MRPL42: variants seen among roughly 807,000 people sequenced by gnomAD.
The protein encoded by MRPL42 is large ribosomal subunit protein mL42.
A neutral mutation model predicts 17.9 loss-of-function variants in MRPL42; 17 were observed. That is an observed-to-expected ratio of 0.95 (90% confidence interval 0.65 to 1.42). The LOEUF is 1.42. Ranked by LOEUF, MRPL42 falls within the 40% of genes most tolerant of loss-of-function variation. MRPL42 has a pLI of 0.00. For missense variants in MRPL42, 177 were observed against 175.2 expected (o/e 1.01, Z -0.06); for synonymous variants, 59 against 54.4 (o/e 1.08, Z -0.37).
chr12:93,495,899 A>G (rs556449206), intron 5 of MRPL42, among the ~76,000 whole-genome samples: 1 of 152,318 alleles, frequency 6.6e-6, no homozygotes, highest in East Asian at 1.9e-4. Context: ...AAACTTCCAT[A>G]AAGTATGGTT....
chr12:93,470,425 AG>A, intron 2 of MRPL42: 1 of 1,226,928 alleles, frequency 8.2e-7, no homozygotes, highest in Non-Finnish European at 1.1e-6. Flanking sequence ...AGGCAACAGT[AG>A]GTTTGCCTTT....
Position 93,506,795 on chromosome 12 carries a change from T to C in MRPL42, c.*5574T>C, listed in dbSNP as rs994710583. 6 of 152,226 alleles carry C rather than the reference T, an allele frequency of 3.9e-5. No individual in the cohort carries two copies. The highest frequency in any genetic ancestry group is 1.4e-4 in the African/African-American group (6 of 41,456). The allele number at this position is 152,226 out of a possible 1,614,324, so 9.4% of individuals were successfully genotyped here. A position where few individuals can be genotyped will look rare whatever the true frequency, so the allele number is the denominator to read the frequency against. On this transcript the variant is annotated 3_prime_UTR_variant, in exon 6 of 6. Coordinates refer to ENST00000549982, the MANE Select transcript of MRPL42 (RefSeq NM_014050.4). ...ACTATTATGCCACTTACTTGAATAA[T>C]TGTCTTGATGAGTAATATATGTAGT...
In MRPL42 at chr12:93,485,354, G is replaced by A. The variant is rs1052043575; in HGVS notation, c.220-2143G>A. ...ATTTTTTGTATTTTTTGTAGAGACA[G>A]CGTCTCCAACTCCTGAGCTCAAAGT... On this transcript the variant is annotated intron_variant, in intron 4 of 5. Transcript: ENST00000549982. Among the ~76,000 whole-genome samples, 8 of 151,602 alleles carry A rather than the reference G, an allele frequency of 5.3e-5. No individual in the cohort carries two copies. In the South Asian group the frequency reaches 1.5e-3, roughly 28 times the overall value.
chr12:93,470,460 CTTTTTA>C, intron 2 of MRPL42: 1 of 1,275,726 alleles, frequency 7.8e-7, no homozygotes, highest in Non-Finnish European at 1.0e-6. Flanking sequence ...TGTGAGCCAA[CTTTTTA>C]TTTTTATTTT....
intron 5 of MRPL42, among the ~76,000 whole-genome samples, chr12:93,494,805 A>G (rs558526317): frequency 8.1e-4 from 124 of 152,334 alleles, no homozygotes; most frequent in African/African-American, 2.9e-3. Context: ...ATCTAGAGAC[A>G]AGGGAGATGA....
Position 93,477,029 on chromosome 12 carries a change from A to C in MRPL42, c.134+12A>C, listed in dbSNP as rs1880216745. 2 of 1,537,372 alleles carry C rather than the reference A, an allele frequency of 1.3e-6. No homozygotes were observed. The highest frequency in any genetic ancestry group is 1.8e-6 in the Non-Finnish European group (2 of 1,118,768). ...GATGACTATAATTGGTATGTATTAAAATTCAATTGAAGAAATAATAGTCTT... is the reference window on the plus strand; with the variant it reads ...GATGACTATAATTGGTATGTATTAACATTCAATTGAAGAAATAATAGTCTT... On this transcript the variant is annotated intron_variant, in intron 3 of 5. Transcript: ENST00000549982.
At position 93,485,037 on chromosome 12, in the gene MRPL42, T is replaced by TG. The variant is rs527979861; in HGVS notation, c.220-2454dup. The stretch of plus-strand genomic sequence containing the variant: ...ATATATATATATATATAAACAGAGA[T>TG]GGGGGGTCTTACCATGGTGCCTAGG... On this transcript the variant is annotated intron_variant, in intron 4 of 5. Coordinates refer to ENST00000549982, the MANE Select transcript of MRPL42 (RefSeq NM_014050.4). Among the ~76,000 whole-genome samples the TG allele has an allele frequency of 1.3e-4, 15 of 119,070 alleles. 1 individual carries two copies. The highest frequency in any genetic ancestry group is 4.5e-4 in the African/African-American group (15 of 33,680). The allele number at this position is 119,070 out of a possible 152,430, so 78.1% of individuals were successfully genotyped here. A position where few individuals can be genotyped will look rare whatever the true frequency, so the allele number is the denominator to read the frequency against.
At position 93,515,411 on chromosome 12, in the gene MRPL42, C is replaced by T. The variant is rs537564881; in HGVS notation, c.*14190C>T. The T allele has an allele frequency of 2.9e-4, 44 of 149,924 alleles. No homozygotes were observed. The highest frequency in any genetic ancestry group is 1.1e-3 in the African/African-American group (43 of 40,690). The allele number at this position is 149,924 out of a possible 1,614,324, so 9.3% of individuals were successfully genotyped here. ...TGAGACAGAGACTTGCTGTGTTGCC[C>T]AGGCTGGAGTGCAGTGGGGTGATCT... On this transcript the variant is annotated 3_prime_UTR_variant, in exon 6 of 6. Transcript: ENST00000549982.
intron 4 of MRPL42, among the ~76,000 whole-genome samples, chr12:93,485,011 T>TATACATATATATACATATACAC (rs1555201430): frequency 1.6e-5 from 1 of 63,522 alleles, no homozygotes; most frequent in South Asian, 4.8e-4. Context: ...TATATATATA[T>TATACATATATATACATATACAC]ATATATATAT....
intron 1 of MRPL42, among the ~76,000 whole-genome samples, chr12:93,468,663 G>A (rs941801051): frequency 1.1e-4 from 16 of 152,190 alleles, no homozygotes; most frequent in Non-Finnish European, 1.8e-4. Context: ...GGGACTTGAG[G>A]GCATTTATGA....
chr12:93,490,704 C>T (rs1208908116), intron 5 of MRPL42, among the ~76,000 whole-genome samples: 1 of 151,906 alleles, frequency 6.6e-6, no homozygotes, highest in African/African-American at 2.4e-5. Flanking sequence ...GCTTGTTTTC[C>T]CTAGTCAGAC....
In MRPL42 at chr12:93,508,845, C is replaced by T. The variant is rs1347556237; in HGVS notation, c.*7624C>T. The T allele has an allele frequency of 6.6e-6, 1 of 152,054 alleles. No individual in the cohort carries two copies. The highest frequency in any genetic ancestry group is 1.5e-5 in the Non-Finnish European group (1 of 68,010). 9.4% of individuals were successfully genotyped at this position (152,054 alleles called of 1,614,324 possible). The stretch of plus-strand genomic sequence containing the variant: ...TGATCATTTCCTTATCAGTTTAAAC[C>T]ATATATATTTTAACACTGTCTCTTT... On this transcript the variant is annotated 3_prime_UTR_variant, in exon 6 of 6. Coordinates refer to ENST00000549982, the MANE Select transcript of MRPL42 (RefSeq NM_014050.4).
intron 2 of MRPL42, among the ~76,000 whole-genome samples, chr12:93,475,134 T>C (rs918875590): frequency 2.0e-5 from 3 of 151,540 alleles, no homozygotes; most frequent in East Asian, 3.9e-4. Context: ...TTTTTTTTTT[T>C]GAGATGAAGT....
intron 2 of MRPL42, among the ~76,000 whole-genome samples, chr12:93,476,520 A>T (rs547734826): frequency 9.3e-4 from 142 of 152,066 alleles, no homozygotes; most frequent in South Asian, 8.9e-3. Flanking sequence ...AAACACTTTT[A>T]TTTTTTTTCT....
intron 2 of MRPL42, among the ~76,000 whole-genome samples, chr12:93,475,473 C>G (rs1880121511): frequency 1.3e-5 from 2 of 151,962 alleles, no homozygotes; most frequent in Non-Finnish European, 2.9e-5. Context: ...GAATTCCATA[C>G]TGAGGACATG....
At chr12:93,477,644 TG>T (rs1880245534) in intron 3 of MRPL42, among the ~76,000 whole-genome samples, 1 of 152,100 alleles carries the variant, frequency 6.6e-6, no homozygotes, top group Non-Finnish European at 1.5e-5. Context: ...TCGCTCAGGC[TG>T]GAGAGCAGTG....
Position 93,508,680 on chromosome 12 carries a change from G to T in MRPL42, c.*7459G>T, listed in dbSNP as rs1953695765. On this transcript the variant is annotated 3_prime_UTR_variant, in exon 6 of 6. Transcript: ENST00000549982. ...ACAGGACAATGCACATGGTATGTTT[G>T]TCAGAACCCAGTTGGAGTTTTGTTT... 1 of 151,986 alleles carries T rather than the reference G, an allele frequency of 6.6e-6. No homozygotes were observed. The highest frequency in any genetic ancestry group is 2.1e-4 in the South Asian group (1 of 4,826). 9.4% of individuals were successfully genotyped at this position (151,986 alleles called of 1,614,324 possible).
At chr12:93,476,119 C>T (rs543318573) in intron 2 of MRPL42, among the ~76,000 whole-genome samples, 5 of 152,112 alleles carry the variant, frequency 3.3e-5, no homozygotes, top group Non-Finnish European at 7.4e-5. Flanking sequence ...CAAATCATTT[C>T]ATATTTCATC....
At position 93,507,665 on chromosome 12, in the gene MRPL42, C is replaced by T. The variant is rs993547156; in HGVS notation, c.*6444C>T. 2.6e-5 allele frequency: 4 copies of T among 152,374 alleles called. No homozygotes were observed. Among genetic ancestry groups the T allele is most frequent in the African/African-American group, 7.2e-5 (3 of 41,588 alleles). 9.4% of individuals were successfully genotyped at this position (152,374 alleles called of 1,614,324 possible). A position where few individuals can be genotyped will look rare whatever the true frequency, so the allele number is the denominator to read the frequency against. On this transcript the variant is annotated 3_prime_UTR_variant, in exon 6 of 6. Transcript: ENST00000549982. The stretch of plus-strand genomic sequence containing the variant: ...CTGGACTTGCCCATGCAGCTGAGGT[C>T]ACTAGTTGGGTTGTTGAGGCTGGCT...
Sources: allele counts gnomAD v4.1 joint callset (sites outside exome capture counted in the v4.1 genomes callset), GRCh38; gene constraint gnomAD v4.1.1; transcripts MANE v1.5; gene names NCBI Gene and HGNC (gene_info 2026-07-23, HGNC 2026-07-21).